Variants in GABBR2 observed in about 807,000 individuals in gnomAD.
The protein encoded by GABBR2 is gamma-aminobutyric acid type B receptor subunit 2, also known as G-protein coupled receptor 51.
Under a neutral mutation model 105.6 loss-of-function variants are expected in GABBR2, and 23 were observed. That is an observed-to-expected ratio of 0.22 (90% CI 0.16 to 0.31). The LOEUF (loss-of-function observed/expected upper bound fraction) is 0.31. GABBR2 is among the 10% of genes least tolerant of loss of function. The pLI, the probability that GABBR2 is intolerant of heterozygous loss-of-function variation, is 1.00. For missense variants in GABBR2, 734 were observed against 1,245.5 expected, an observed-to-expected ratio of 0.59 and a Z score of 6.18; for synonymous variants, 478 against 499.7, an observed-to-expected ratio of 0.96 and a Z score of 0.58.
chr9:98,554,496 A>C (rs1828551127), intron 2 of GABBR2, among the ~76,000 whole-genome samples: 1 of 152,222 alleles, frequency 6.6e-6, no homozygotes, highest in African/African-American at 2.4e-5. Flanking sequence ...CAAAAATCGT[A>C]CGTATATTTA....
intron 1 of GABBR2, among the ~76,000 whole-genome samples, chr9:98,672,858 T>C: frequency 6.6e-6 from 1 of 152,200 alleles, no homozygotes; most frequent in Admixed American, 6.5e-5. Flanking sequence ...ACTCTGAAAA[T>C]TTTATGATCT....
At chr9:98,291,047 A>C (rs950505054) in intron 18 of GABBR2, among the ~76,000 whole-genome samples, 1 of 152,126 alleles carries the variant, frequency 6.6e-6, no homozygotes, top group African/African-American at 2.4e-5. Context: ...AGCAGAAAAG[A>C]TGCTCCTTGA....
intron 1 of GABBR2, among the ~76,000 whole-genome samples, chr9:98,609,280 CCTCT>C (rs1829472399): frequency 6.6e-6 from 1 of 152,186 alleles, no homozygotes; most frequent in Non-Finnish European, 1.5e-5. Context: ...CCTTCCAGCC[CCTCT>C]GTCACCCACC....
rs138194877 is a variant in GABBR2, at chr9:98,515,342, C to T, written c.631-18828G>A. The stretch of plus-strand genomic sequence containing the variant: ...GCTTCAGGCCGCTCCATAAGCTGGA[C>T]GAGCAGTGCGATCAAATTGTCCACC... On this transcript the variant is annotated intron_variant, in intron 3 of 18. Transcript: ENST00000259455. Among the ~76,000 whole-genome samples the T allele has an allele frequency of 7.8e-3, 1,182 of 152,280 alleles. 7 individuals carry two copies. Among genetic ancestry groups the T allele is most frequent in the Middle Eastern group, 0.02 (6 of 294 alleles).
chr9:98,413,939 A>C (rs1030288292), intron 7 of GABBR2, among the ~76,000 whole-genome samples: 3 of 152,206 alleles, frequency 2.0e-5, no homozygotes, highest in Admixed American at 2.0e-4. Context: ...GTACGGGAAA[A>C]GTGAAGTAAA....
At chr9:98,511,163 C>T (rs1827633868) in intron 3 of GABBR2, among the ~76,000 whole-genome samples, 1 of 151,896 alleles carries the variant, frequency 6.6e-6, no homozygotes. Flanking sequence ...CTACTGGGTA[C>T]ATAATGAAAT....
chr9:98,389,971 C>T (rs1647143914), intron 9 of GABBR2, among the ~76,000 whole-genome samples: 1 of 152,136 alleles, frequency 6.6e-6, no homozygotes, highest in South Asian at 2.1e-4. Flanking sequence ...TTATGCCTCT[C>T]TTCCCAGGAG....
chr9:98,545,817 C>T (rs922175875), intron 2 of GABBR2, among the ~76,000 whole-genome samples: 2 of 152,118 alleles, frequency 1.3e-5, no homozygotes, highest in African/African-American at 4.8e-5. Flanking sequence ...TGACTATCTA[C>T]CTGCCTCCTA....
At chr9:98,319,194 AT>A in intron 13 of GABBR2, among the ~76,000 whole-genome samples, 1 of 152,232 alleles carries the variant, frequency 6.6e-6, no homozygotes, top group Non-Finnish European at 1.5e-5. Flanking sequence ...GGCTGGCAAG[AT>A]GATCAAAGGA....
At chr9:98,678,948 T>C (rs1267334534) in intron 1 of GABBR2, among the ~76,000 whole-genome samples, 1 of 152,206 alleles carries the variant, frequency 6.6e-6, no homozygotes, top group Non-Finnish European at 1.5e-5. Context: ...GAAATGCAAA[T>C]CATTTGTATG....
intron 1 of GABBR2, among the ~76,000 whole-genome samples, chr9:98,611,177 G>A (rs1588251857): frequency 6.6e-6 from 1 of 151,832 alleles, no homozygotes; most frequent in Non-Finnish European, 1.5e-5. Flanking sequence ...GCCCCCCGGA[G>A]ATAAAGATTG....
chr9:98,559,029 C>T (rs957677518), intron 2 of GABBR2, among the ~76,000 whole-genome samples: 1 of 152,186 alleles, frequency 6.6e-6, no homozygotes, highest in African/African-American at 2.4e-5. Context: ...CTTCCTTCCC[C>T]TTTCTGGGCC....
chr9:98,609,810 T>C lies in GABBR2; in HGVS notation c.322-31738A>G, dbSNP rs1382294505. ...TGTGATGCCCCGTCTGCTACCCTAC[T>C]CAGTTTGTGTGGACGCTGAGAGCTC... On this transcript the variant is annotated intron_variant, in intron 1 of 18. Transcript: ENST00000259455. 2.0e-5 allele frequency among the ~76,000 whole-genome samples: 3 copies of C among 152,284 alleles called. No homozygotes were observed. The East Asian group carries it at 5.8e-4, about 29-fold the overall frequency.
intron 1 of GABBR2, among the ~76,000 whole-genome samples, chr9:98,645,319 C>T (rs7856813): frequency 0.089 from 13,610 of 152,192 alleles, 936 homozygotes; most frequent in African/African-American, 0.19. Flanking sequence ...AAAAGCATAG[C>T]GTCCAGCCTT....
At chr9:98,397,837 G>A (rs1832321327) in intron 8 of GABBR2, among the ~76,000 whole-genome samples, 2 of 152,118 alleles carry the variant, frequency 1.3e-5, no homozygotes, top group Admixed American at 6.5e-5. Flanking sequence ...GTGTGTCCAG[G>A]GCTTCTGATT....
intron 1 of GABBR2, among the ~76,000 whole-genome samples, chr9:98,701,885 C>G (rs1797264862): frequency 6.6e-6 from 1 of 152,050 alleles, no homozygotes. Flanking sequence ...TTATAACAGC[C>G]CTGTGAGGTC....
chr9:98,618,486 A>ATATCTCTCTCTC lies in GABBR2; in HGVS notation c.322-40415_322-40414insGAGAGAGAGATA, dbSNP rs1445740868. ...CAAAGGAAAAAAAAAGGTCTGCTGC[A>ATATCTCTCTCTC]TCTCTCTCTCTCTCTCTCTCTCTCT... On this transcript the variant is annotated intron_variant, in intron 1 of 18. Transcript: ENST00000259455. Among the ~76,000 whole-genome samples the ATATCTCTCTCTC allele has an allele frequency of 2.1e-5, 3 of 145,182 alleles. No individual in the cohort carries two copies. In the South Asian group the frequency reaches 6.8e-4, roughly 33 times the overall value.
At chr9:98,589,590 G>A (rs2131794071) in intron 1 of GABBR2, among the ~76,000 whole-genome samples, 1 of 152,158 alleles carries the variant, frequency 6.6e-6, no homozygotes, top group Non-Finnish European at 1.5e-5. Context: ...TATGGGAAAG[G>A]GTACAAAGTA....
chr9:98,380,544 G>A lies in GABBR2; in HGVS notation c.1662+5096C>T, dbSNP rs373331499. ...CCCCTGGCACTGGGGCCCTGGCCAC[G>A]CCCAGCACTGTCCTTGCAGACAGCT... On this transcript the variant is annotated intron_variant, in intron 11 of 18. Coordinates refer to ENST00000259455, the MANE Select transcript of GABBR2 (RefSeq NM_005458.8). Among the ~76,000 whole-genome samples the A allele has an allele frequency of 4.6e-5, 7 of 152,376 alleles. No individual in the cohort carries two copies. The East Asian group carries it at 9.6e-4, about 21-fold the overall frequency.
Sources: allele counts gnomAD v4.1 joint callset (sites outside exome capture counted in the v4.1 genomes callset), GRCh38; gene constraint gnomAD v4.1.1; transcripts MANE v1.5; gene names NCBI Gene and HGNC (gene_info 2026-07-23, HGNC 2026-07-21).